Variants in STK3 observed in about 807,000 individuals in gnomAD.
STK3 encodes the protein serine/threonine kinase 3, also known as serine/threonine-protein kinase 3.
A neutral mutation model predicts 58.0 loss-of-function variants in STK3; 41 were observed. The ratio of observed to expected loss-of-function variants is 0.71; its 90% confidence interval spans 0.55 to 0.92. STK3 has a LOEUF of 0.92. Ranked by LOEUF, STK3 falls within the 40% of genes least tolerant of loss-of-function variation. The probability of loss-of-function intolerance (pLI) is 0.00; values close to 1 mark genes in which losing one functional copy is unlikely to be tolerated. For missense variants in STK3, 479 were observed against 602.7 expected, an observed-to-expected ratio of 0.79 and a Z score of 2.15; for synonymous variants, 170 against 191.0, an observed-to-expected ratio of 0.89 and a Z score of 0.91.
intron 10 of STK3, among the ~76,000 whole-genome samples, chr8:98,498,748 A>T (rs1181245189): frequency 6.6e-6 from 1 of 151,878 alleles, no homozygotes; most frequent in East Asian, 1.9e-4. Flanking sequence ...AGAATATCAC[A>T]CTCTACTAGT....
At chr8:98,477,520 T>C (rs1272168348) in intron 10 of STK3, among the ~76,000 whole-genome samples, 1 of 151,910 alleles carries the variant, frequency 6.6e-6, no homozygotes, top group Non-Finnish European at 1.5e-5. Context: ...TTTTCTCCTC[T>C]GCAAATCCCA....
At chr8:98,918,168 A>T (rs1839413633) in intron 1 of STK3, among the ~76,000 whole-genome samples, 1 of 152,164 alleles carries the variant, frequency 6.6e-6, no homozygotes, top group East Asian at 1.9e-4. Context: ...CTGCCTTCAA[A>T]AGCACTAGAA....
At chr8:98,442,402 C>T (rs1586576333) in intron 1 of STK3, among the ~76,000 whole-genome samples, 1 of 152,248 alleles carries the variant, frequency 6.6e-6, no homozygotes. Flanking sequence ...TGTTTAGACA[C>T]AGTTTTCCTG....
intron 6 of STK3, among the ~76,000 whole-genome samples, chr8:98,645,496 A>C (rs1820333007): frequency 6.6e-6 from 1 of 152,174 alleles, no homozygotes; most frequent in Non-Finnish European, 1.5e-5. Context: ...TATATTAGAC[A>C]CCCTTTCTTG....
intron 6 of STK3, among the ~76,000 whole-genome samples, chr8:98,705,599 C>T (rs1042716569): frequency 4.0e-5 from 6 of 151,842 alleles, no homozygotes; most frequent in African/African-American, 1.2e-4. Flanking sequence ...TTTATGCATT[C>T]TTCCTCTTTC....
chr8:98,376,685 C>T (rs1817678435), intron 2 of STK3, among the ~76,000 whole-genome samples: 1 of 152,156 alleles, frequency 6.6e-6, no homozygotes, highest in Non-Finnish European at 1.5e-5. Context: ...TACTTAACTT[C>T]CCTCCCAGTA....
At chr8:98,934,917 A>AAAAAT (rs554783265) in intron 1 of STK3, among the ~76,000 whole-genome samples, 4,318 of 149,904 alleles carry the variant, frequency 0.029, 185 homozygotes, top group African/African-American at 0.09. Context: ...ACGCCGTCTC[A>AAAAAT]AAAATAAAAT....
At chr8:98,605,147 G>A (rs1047662432) in intron 6 of STK3, among the ~76,000 whole-genome samples, 6 of 151,994 alleles carry the variant, frequency 3.9e-5, no homozygotes, top group Non-Finnish European at 8.8e-5. Context: ...GTCTTCTTAT[G>A]AGCCCTCCAT....
At chr8:98,513,073 G>C (rs547627914) in intron 10 of STK3, among the ~76,000 whole-genome samples, 1 of 152,284 alleles carries the variant, frequency 6.6e-6, no homozygotes, top group Admixed American at 6.5e-5. Flanking sequence ...TAAAATGTCA[G>C]TCATGTCAGT....
chr8:98,350,778 GA>G, the STK3 span, among the ~76,000 whole-genome samples: 2 of 152,152 alleles, frequency 1.3e-5, no homozygotes, highest in Non-Finnish European at 2.9e-5. Flanking sequence ...CAGTATGGGG[GA>G]AACTGCCCCC....
At chr8:98,923,192 T>C (rs1368139492) in intron 1 of STK3, among the ~76,000 whole-genome samples, 2 of 152,220 alleles carry the variant, frequency 1.3e-5, no homozygotes, top group Non-Finnish European at 2.9e-5. Flanking sequence ...CAATGACCCA[T>C]GTTAGAAGAA....
intron 10 of STK3, among the ~76,000 whole-genome samples, chr8:98,498,230 G>C (rs144030919): frequency 1.6e-4 from 25 of 152,112 alleles, no homozygotes; most frequent in African/African-American, 5.8e-4. Flanking sequence ...GGGGTAGAGG[G>C]GTAGAGAAAA....
At chr8:98,857,372 G>GA (rs1198460483) in intron 3 of STK3, among the ~76,000 whole-genome samples, 1 of 152,060 alleles carries the variant, frequency 6.6e-6, no homozygotes, top group African/African-American at 2.4e-5. Flanking sequence ...TGCAATTAAT[G>GA]AAGGTTAAAG....
intron 8 of STK3, among the ~76,000 whole-genome samples, chr8:98,556,924 A>G (rs530005134): frequency 1.3e-4 from 20 of 152,248 alleles, no homozygotes; most frequent in African/African-American, 4.6e-4. Context: ...CAGAACCTAA[A>G]GAGATCAAAC....
intron 1 of STK3, among the ~76,000 whole-genome samples, chr8:98,810,175 T>G (rs1209689325): frequency 6.6e-6 from 1 of 152,196 alleles, no homozygotes; most frequent in Non-Finnish European, 1.5e-5. Context: ...ACTGCTCTCA[T>G]GATCCAATCA....
intron 4 of STK3, among the ~76,000 whole-genome samples, chr8:98,734,002 C>T (rs1050321710): frequency 2.0e-5 from 3 of 152,026 alleles, no homozygotes; most frequent in East Asian, 1.9e-4. Context: ...ACAATCATGA[C>T]GGAAGGGCAA....
downstream of STK3, chr8:98,883,521 AG>A (rs752086423): frequency 5.1e-6 from 3 of 585,572 alleles, no homozygotes; most frequent in Admixed American, 2.9e-5. Context: ...TTTGTTTCCA[AG>A]TAACACATCA....
intron 6 of STK3, among the ~76,000 whole-genome samples, chr8:98,605,837 G>A (rs1462170233): frequency 6.6e-6 from 1 of 152,078 alleles, no homozygotes; most frequent in Non-Finnish European, 1.5e-5. Flanking sequence ...TCATCCCCTT[G>A]GTGCTGTTCT....
chr8:98,618,851 G>A (rs1166265723), intron 6 of STK3, among the ~76,000 whole-genome samples: 2 of 150,192 alleles, frequency 1.3e-5, no homozygotes. Flanking sequence ...CATGCTCATG[G>A]GTAGGAAGAA....
Sources: gnomAD v4.1 joint callset for allele counts (sites outside exome capture counted in the v4.1 genomes callset) on GRCh38, gnomAD v4.1.1 for gene constraint, MANE v1.5 for transcripts, NCBI Gene and HGNC (gene_info 2026-07-23, HGNC 2026-07-21) for gene names.